PALM2AKAP2: variants seen among roughly 807,000 people sequenced by gnomAD.
PALM2AKAP2 encodes PALM2 and AKAP2 fusion.
PALM2AKAP2 carries 37 observed loss-of-function variants against 71.5 expected under a neutral mutation model. That is an observed-to-expected ratio of 0.52 (90% confidence interval 0.40 to 0.68). The LOEUF (loss-of-function observed/expected upper bound fraction) is 0.68. Ranked by LOEUF, PALM2AKAP2 falls within the 30% of genes least tolerant of loss-of-function variation. PALM2AKAP2 has a pLI of 0.00. For synonymous variants in PALM2AKAP2, 468 were observed against 478.8 expected (o/e 0.98, Z 0.29); for missense variants, 1,224 against 1,191.8 (o/e 1.03, Z -0.40).
chr9:109,932,979 A>G (rs1169757552), intron 6 of PALM2AKAP2, among the ~76,000 whole-genome samples: 1 of 152,264 alleles, frequency 6.6e-6, no homozygotes, highest in Non-Finnish European at 1.5e-5. Context: ...AAGAATCCCT[A>G]CTTATTTTAA....
intron 1 of PALM2AKAP2, among the ~76,000 whole-genome samples, chr9:109,669,419 C>A (rs1173996803): frequency 2.6e-5 from 4 of 151,846 alleles, no homozygotes; most frequent in African/African-American, 9.7e-5. Flanking sequence ...TCTTATAATG[C>A]CTCTATCAAA....
At chr9:110,101,757 G>A (rs967720957) in intron 1 of PALM2AKAP2, among the ~76,000 whole-genome samples, 6 of 152,216 alleles carry the variant, frequency 3.9e-5, no homozygotes, top group African/African-American at 9.6e-5. Flanking sequence ...GCTTTCAAAT[G>A]TAAGTAAGGG....
At chr9:109,937,884 T>C (rs1831265735) in intron 6 of PALM2AKAP2, among the ~76,000 whole-genome samples, 1 of 152,196 alleles carries the variant, frequency 6.6e-6, no homozygotes, top group Admixed American at 6.5e-5. Flanking sequence ...TCCTCATTTT[T>C]TAAATAAGAT....
intron 1 of PALM2AKAP2, among the ~76,000 whole-genome samples, chr9:109,689,200 CTTT>C (rs200092612): frequency 0.17 from 23,331 of 134,164 alleles, 1,997 homozygotes; most frequent in East Asian, 0.3. Context: ...TTTTTCTTTT[CTTT>C]TTTTTTTTTT....
intron 6 of PALM2AKAP2, among the ~76,000 whole-genome samples, chr9:109,994,891 G>A (rs1161621144): frequency 6.6e-6 from 1 of 152,048 alleles, no homozygotes; most frequent in Non-Finnish European, 1.5e-5. Context: ...TGCGAGTCAG[G>A]GGCTCTCTTG....
intron 7 of PALM2AKAP2, chr9:110,025,164 G>A (rs1431264206): frequency 1.8e-5 from 25 of 1,385,676 alleles, no homozygotes; most frequent in Non-Finnish European, 2.5e-5. Flanking sequence ...GGGTAACATT[G>A]TAGACTCTTC....
chr9:109,685,061 A>G (rs1038663805), intron 1 of PALM2AKAP2, among the ~76,000 whole-genome samples: 1 of 152,226 alleles, frequency 6.6e-6, no homozygotes, highest in Non-Finnish European at 1.5e-5. Context: ...ATTACAGTCT[A>G]TATGATCCAT....
chr9:110,065,131 T>C (rs966673961), intron 1 of PALM2AKAP2, among the ~76,000 whole-genome samples: 1 of 152,242 alleles, frequency 6.6e-6, no homozygotes, highest in Non-Finnish European at 1.5e-5. Context: ...GACAGCAGCC[T>C]GACAGCCCCA....
chr9:109,803,565 A>G (rs1246153205), intron 1 of PALM2AKAP2, among the ~76,000 whole-genome samples: 1 of 152,198 alleles, frequency 6.6e-6, no homozygotes, highest in African/African-American at 2.4e-5. Flanking sequence ...TGCAAGTAGT[A>G]ATAATCAGAG....
chr9:109,656,256 G>A (rs1410095749), intron 1 of PALM2AKAP2, among the ~76,000 whole-genome samples: 1 of 152,200 alleles, frequency 6.6e-6, no homozygotes, highest in Non-Finnish European at 1.5e-5. Context: ...GGGCTCGAGG[G>A]TGGTGACTGG....
intron 1 of PALM2AKAP2, among the ~76,000 whole-genome samples, chr9:109,807,153 A>C (rs919159275): frequency 6.6e-6 from 1 of 152,046 alleles, no homozygotes; most frequent in African/African-American, 2.4e-5. Flanking sequence ...AGAGAGAGAA[A>C]AAAAAGTCCA....
In PALM2AKAP2 at chr9:109,673,059, G is replaced by C. The variant is rs1221772162; in HGVS notation, c.5+32193G>C. 5.9e-5 allele frequency among the ~76,000 whole-genome samples: 9 copies of C among 151,888 alleles called. No individual in the cohort carries two copies. The East Asian group carries it at 1.7e-3, about 29-fold the overall frequency. On this transcript the variant is annotated intron_variant, in intron 1 of 6. Transcript: ENST00000374531. The stretch of plus-strand genomic sequence containing the variant: ...CAAAAAACCAACTCCTGGATTTGTT[G>C]ATCTTTTGAATGCTTTTTGTGTACG...
chr9:109,868,083 G>C (rs1364140896), intron 2 of PALM2AKAP2, among the ~76,000 whole-genome samples: 3 of 152,048 alleles, frequency 2.0e-5, no homozygotes, highest in Non-Finnish European at 4.4e-5. Flanking sequence ...TATTTTATTT[G>C]TACTTTAACA....
At chr9:109,711,582 G>C (rs1828238298) in intron 1 of PALM2AKAP2, among the ~76,000 whole-genome samples, 1 of 152,358 alleles carries the variant, frequency 6.6e-6, no homozygotes. Context: ...AGGGCCCCAA[G>C]GCTGGTCCTG....
chr9:109,864,144 T>A lies in PALM2AKAP2; in HGVS notation c.46-3347T>A, dbSNP rs147550579. On this transcript the variant is annotated intron_variant, in intron 1 of 9. Transcript: ENST00000302798. ...GCTGTGGATGCACAGTGGGTCCTTGTCATGGGGCCAGGCCCAGGGTCATCA... is the reference window on the plus strand; with the variant it reads ...GCTGTGGATGCACAGTGGGTCCTTGACATGGGGCCAGGCCCAGGGTCATCA... Among the ~76,000 whole-genome samples, 600 of 152,318 alleles carry A rather than the reference T, an allele frequency of 3.9e-3. 1 individual carries two copies. The highest frequency in any genetic ancestry group is 0.014 in the African/African-American group (571 of 41,562).
At chr9:109,812,326 G>A (rs1198823019) in intron 1 of PALM2AKAP2, among the ~76,000 whole-genome samples, 1 of 152,174 alleles carries the variant, frequency 6.6e-6, no homozygotes, top group African/African-American at 2.4e-5. Flanking sequence ...CTGGATCTCG[G>A]GGTCAGGGTT....
At chr9:110,110,177 A>G (rs574815607) in intron 1 of PALM2AKAP2, among the ~76,000 whole-genome samples, 1 of 152,362 alleles carries the variant, frequency 6.6e-6, no homozygotes, top group African/African-American at 2.4e-5. Context: ...GTATTTCAAA[A>G]TATCAAGTTG....
chr9:109,970,188 C>T (rs1832039429), intron 6 of PALM2AKAP2, among the ~76,000 whole-genome samples: 1 of 152,064 alleles, frequency 6.6e-6, no homozygotes, highest in Non-Finnish European at 1.5e-5. Flanking sequence ...CAGAACAGTA[C>T]TTTTGTAAAG....
chr9:109,890,418 AG>A (rs1830061223), intron 3 of PALM2AKAP2, among the ~76,000 whole-genome samples: 1 of 152,202 alleles, frequency 6.6e-6, no homozygotes, highest in Admixed American at 6.5e-5. Context: ...GGAGCCCTCC[AG>A]GACAGCGAAC....
Sources: gnomAD v4.1 joint callset for allele counts (sites outside exome capture counted in the v4.1 genomes callset) on GRCh38, gnomAD v4.1.1 for gene constraint, MANE v1.5 for transcripts, NCBI Gene and HGNC (gene_info 2026-07-23, HGNC 2026-07-21) for gene names.